Variants in USP24 observed in about 807,000 individuals in gnomAD.
USP24 encodes ubiquitin carboxyl-terminal hydrolase 24.
USP24 carries 97 observed loss-of-function variants against 361.6 expected under a neutral mutation model. The observed-to-expected ratio is 0.27, with a 90% CI of 0.23 to 0.32. USP24 has a LOEUF of 0.32. Ranked by LOEUF, USP24 falls within the 10% of genes least tolerant of loss-of-function variation. The pLI, the probability that USP24 is intolerant of heterozygous loss-of-function variation, is 1.00. For synonymous variants in USP24, 1,098 were observed against 1,124.6 expected, an observed-to-expected ratio of 0.98 and a Z score of 0.47; for missense variants, 2,353 against 3,165.6, an observed-to-expected ratio of 0.74 and a Z score of 6.16.
At chr1:55,205,703 T>C (rs945389207) in intron 1 of USP24, among the ~76,000 whole-genome samples, 1 of 152,222 alleles carries the variant, frequency 6.6e-6, no homozygotes, top group African/African-American at 2.4e-5. Context: ...TTTTAACTAC[T>C]CTCATTTAAA....
intron 1 of USP24, among the ~76,000 whole-genome samples, chr1:55,197,242 C>T (rs1350612693): frequency 1.3e-5 from 2 of 152,308 alleles, no homozygotes; most frequent in African/African-American, 4.8e-5. Flanking sequence ...ATCATACCCC[C>T]TACCCACTGC....
chr1:55,193,086 T>C (rs140265831), intron 1 of USP24, among the ~76,000 whole-genome samples: 35 of 152,312 alleles, frequency 2.3e-4, no homozygotes, highest in South Asian at 8.3e-4. Flanking sequence ...CTTAAATACA[T>C]AGAAAGCAAT....
rs533745252 is a variant in USP24 at position 55,076,819 on chromosome 1, C to T, written c.7380+416G>A. On this transcript the variant is annotated intron_variant, in intron 62 of 67. Coordinates refer to ENST00000294383, the MANE Select transcript of USP24 (RefSeq NM_015306.3). Reference sequence around the variant, plus strand: ...GCTCTTAAAAATATTTTTCATAGTACGTACATACAGTCAATAGTGTCTAAG... The same window carrying T: ...GCTCTTAAAAATATTTTTCATAGTATGTACATACAGTCAATAGTGTCTAAG... Among the ~76,000 whole-genome samples the T allele has an allele frequency of 3.9e-5, 6 of 152,132 alleles. No individual in the cohort carries two copies. The East Asian group carries it at 7.7e-4, about 20-fold the overall frequency.
At chr1:55,093,836 C>A in intron 52 of USP24, 101 bp downstream of exon 52, 2 of 1,490,112 alleles carry the variant, frequency 1.3e-6, no homozygotes, top group East Asian at 2.3e-5. Flanking sequence ...GATGTAGCCC[C>A]AGTGGTACAA....
chr1:55,100,971 A>C lies in USP24; in HGVS notation c.5146-7T>G, dbSNP rs761437114. The C allele has an allele frequency of 3.1e-6, 5 of 1,608,690 alleles. No individual in the cohort carries two copies. The highest frequency in any genetic ancestry group is 4.2e-6 in the Non-Finnish European group (5 of 1,178,480). ...CATCCACTGAAAGTAATGACTGCAC[A>C]GAAAAGAAACATATCAAGCTTGAAA... On this transcript the variant is annotated splice_region_variant and splice_polypyrimidine_tract_variant and intron_variant, in intron 43 of 67. Transcript: ENST00000294383.
At chr1:55,132,406 A>G (rs1456611981) in intron 31 of USP24, 139 bp downstream of exon 31, 3 of 1,085,236 alleles carry the variant, frequency 2.8e-6, no homozygotes, top group Non-Finnish European at 3.8e-6. Context: ...TTCAATTTAT[A>G]ATCTATTTCT....
intron 38 of USP24, among the ~76,000 whole-genome samples, chr1:55,113,682 A>G (rs471178): frequency 0.65 from 99,521 of 152,116 alleles, 35,849 homozygotes; most frequent in East Asian, 0.91. Flanking sequence ...GCTATCCACC[A>G]CGATCAAGTT....
chr1:55,134,426 A>G lies in USP24; in HGVS notation c.3202-13T>C. ...GGAGGGATTTCTCCTGATGGAAAAA[A>G]GCAAAATAGAAATTCAAATTTACAA... On this transcript the variant is annotated splice_polypyrimidine_tract_variant and intron_variant, in intron 28 of 67. Coordinates refer to ENST00000294383, the MANE Select transcript of USP24 (RefSeq NM_015306.3). 6.3e-7 allele frequency: 1 copy of G among 1,598,894 alleles called. No individual in the cohort carries two copies. The highest frequency in any genetic ancestry group is 8.6e-7 in the Non-Finnish European group (1 of 1,168,462).
At chr1:55,171,837 T>G (rs1407375082) in intron 4 of USP24, among the ~76,000 whole-genome samples, 159 bp from the exon 5 acceptor site, 1 of 152,228 alleles carries the variant, frequency 6.6e-6, no homozygotes, top group Admixed American at 6.5e-5. Context: ...GCAAAAGTGC[T>G]AAGAATTAAT....
In USP24 at chr1:55,162,208, G is replaced by C; in HGVS notation, c.984C>G (p.Ser328=). 2 of 1,594,062 alleles carry C rather than the reference G, an allele frequency of 1.3e-6. No homozygotes were observed. Among genetic ancestry groups the C allele is most frequent in the Non-Finnish European group, 1.7e-6 (2 of 1,171,680 alleles). ...AATGGTTTAATCCTACCTGTACCACGGAGGAATTGAGGTACTCTGCACACA... is the reference window on the plus strand; with the variant it reads ...AATGGTTTAATCCTACCTGTACCACCGAGGAATTGAGGTACTCTGCACACA... ...LGVCAEYLNS[S]VVQPMLDPVI... Residue 328 remains serine (S), a synonymous_variant, in exon 8 of 68, where the codon TCC becomes TCG. Transcript: ENST00000294383.
intron 1 of USP24, among the ~76,000 whole-genome samples, chr1:55,203,641 T>C (rs1297166441): frequency 6.6e-6 from 1 of 152,230 alleles, no homozygotes; most frequent in Non-Finnish European, 1.5e-5. Flanking sequence ...GGTAACTGCA[T>C]CATTTCTAAT....
chr1:55,133,958 A>G, intron 30 of USP24, 112 bp downstream of exon 30: 1 of 1,048,634 alleles, frequency 9.5e-7, no homozygotes. Flanking sequence ...CAAAAGAAGA[A>G]AAAACATTAT....
At chr1:55,167,255 G>A (rs956142756) in intron 5 of USP24, among the ~76,000 whole-genome samples, 1 of 152,132 alleles carries the variant, frequency 6.6e-6, no homozygotes, top group African/African-American at 2.4e-5. Flanking sequence ...ACTTGGGGTG[G>A]TGGTCATGAA....
intron 38 of USP24, among the ~76,000 whole-genome samples, chr1:55,113,312 C>A (rs1414495158): frequency 6.6e-6 from 1 of 152,152 alleles, no homozygotes. Context: ...GACACACACA[C>A]CCTCCCAAGA....
chr1:55,159,022 G>T lies in USP24; in HGVS notation c.1083C>A (p.Ile361=). The change falls in exon 10 of 68, where the codon ATC becomes ATA. Residue 361 remains isoleucine (I), a synonymous_variant. Transcript: ENST00000294383. The stretch of plus-strand genomic sequence containing the variant: ...ACTTAACGGCAGACAAGAGCTCAGG[G>T]ATGCTAACCAATCTCTTTTATTGAA... ...KDLKDKRLVS[I]PELLSAVKLL... 2 of 1,533,656 alleles carry T rather than the reference G, an allele frequency of 1.3e-6. No individual in the cohort carries two copies. The highest frequency in any genetic ancestry group is 8.8e-7 in the Non-Finnish European group (1 of 1,140,366).
chr1:55,079,737 G>A (rs1349021386), intron 59 of USP24, 78 bp from the exon 60 acceptor site: 1 of 1,338,642 alleles, frequency 7.5e-7, no homozygotes, highest in Non-Finnish European at 9.9e-7. Context: ...ATAAGAAAAT[G>A]TGCCTCCTTC....
At position 55,171,616 on chromosome 1, in the gene USP24, C is replaced by A. The variant is rs1194370436; in HGVS notation, c.765G>T (p.Trp255Cys). The A allele has an allele frequency of 6.2e-7, 1 of 1,610,426 alleles. No individual in the cohort carries two copies. Among genetic ancestry groups the A allele is most frequent in the Non-Finnish European group, 8.5e-7 (1 of 1,178,160 alleles). Residue 255 changes from tryptophan (W) to cysteine (C), a missense_variant, in exon 5 of 68, where the codon TGG (tryptophan) becomes TGT (cysteine). Physicochemically the swap from Trp to Cys is radical, Grantham distance 215 (BLOSUM62 -2). This residue lies in a region of USP24 where 386 missense variants were observed against 560.5 expected (regional missense o/e 0.69). Coordinates refer to ENST00000294383, the MANE Select transcript of USP24 (RefSeq NM_015306.3). ...TATTTCCCTCTCCAAACACTTCTGC[C>A]CAATTCCTTTGAGACACTTTCATTC... ...KNRMKVSQRNWAEVFGEGNMF... is the reference protein window; with the variant it reads ...KNRMKVSQRNCAEVFGEGNMF...
At chr1:55,174,911 C>G (rs749393648) in intron 3 of USP24, among the ~76,000 whole-genome samples, 1 of 152,144 alleles carries the variant, frequency 6.6e-6, no homozygotes, top group Non-Finnish European at 1.5e-5. Context: ...GATTATAGTG[C>G]GAAGCACTGG....
At chr1:55,116,522 G>A (rs907348791) in intron 38 of USP24, among the ~76,000 whole-genome samples, 1 of 152,040 alleles carries the variant, frequency 6.6e-6, no homozygotes, top group African/African-American at 2.4e-5. Flanking sequence ...AAGGATATAA[G>A]AGAGTACCGT....
Sources: gnomAD v4.1 joint callset for allele counts (sites outside exome capture counted in the v4.1 genomes callset) on GRCh38, gnomAD v4.1.1 for gene constraint, gnomAD v4.1.1 regional missense constraint, MANE v1.5 for transcripts, NCBI Gene and HGNC (gene_info 2026-07-23, HGNC 2026-07-21) for gene names.